ZSWIM2: variants seen among roughly 807,000 people sequenced by gnomAD.
The protein encoded by ZSWIM2 is zinc finger SWIM-type containing 2.
In ZSWIM2, 38 loss-of-function variants were observed where a neutral mutation model predicts 48.4. The ratio of observed to expected loss-of-function variants is 0.79; its 90% CI spans 0.61 to 1.03. The LOEUF (loss-of-function observed/expected upper bound fraction) is 1.03. Among genes scored for constraint, ZSWIM2 ranks in the 50% least tolerant of loss-of-function variants. The pLI is 0.00. For missense variants in ZSWIM2, 776 were observed against 730.2 expected, an observed-to-expected ratio of 1.06 and a Z score of -0.72; for synonymous variants, 240 against 251.3, an observed-to-expected ratio of 0.96 and a Z score of 0.42.
intron 7 of ZSWIM2, among the ~76,000 whole-genome samples, chr2:186,832,569 T>G (rs142870966): frequency 0.016 from 2,490 of 152,128 alleles, 31 homozygotes; most frequent in South Asian, 0.027. Flanking sequence ...AGAGGGGGAA[T>G]GAAGCAAAAA....
At position 186,829,857 on chromosome 2, in the gene ZSWIM2, A is replaced by T. The variant is rs1381392782; in HGVS notation, c.965T>A (p.Ile322Asn). ...KQGQVYTPKH[I>N]VRSLPLQLIT... ...CAGTTGGAGAGGCAGTGATCTTACA[A>T]TGTGTTTTGGTGTGTAAACTTGGCT... is the stretch of plus-strand genomic sequence containing the variant. The change falls in exon 8 of 9, where the codon ATT becomes AAT. Residue 322 changes from isoleucine (I) to asparagine (N), a missense_variant. Physicochemically the swap from Ile to Asn is moderately radical, Grantham distance 149. Transcript: ENST00000295131. 1.2e-6 allele frequency: 2 copies of T among 1,613,544 alleles called. No homozygotes were observed. The highest frequency in any genetic ancestry group is 1.7e-5 in the Admixed American group (1 of 59,950).
At chr2:186,836,336 T>G (rs1691793189) in intron 5 of ZSWIM2, among the ~76,000 whole-genome samples, 2 of 152,114 alleles carry the variant, frequency 1.3e-5, no homozygotes, top group Admixed American at 6.6e-5. Context: ...TATTAAAAAT[T>G]TATAAAAATT....
Position 186,828,688 on chromosome 2 carries a change from C to T in ZSWIM2, c.1198G>A (p.Val400Met), listed in dbSNP as rs1444487962. ...YNPLTWKNSA[V>M]NGQAHQSVSN... ...ACAGACTGATGTGCTTGTCCATTCACTGCTGAATTTTTCCAAGTTAAAGGG... is the reference window on the plus strand; with the variant it reads ...ACAGACTGATGTGCTTGTCCATTCATTGCTGAATTTTTCCAAGTTAAAGGG... The change falls in exon 9 of 9, where the codon GTG becomes ATG. Residue 400 changes from valine (V) to methionine (M), a missense_variant. Physicochemically the swap from Val to Met is conservative, Grantham distance 21 (BLOSUM62 1). Transcript: ENST00000295131. The T allele has an allele frequency of 1.9e-6, 3 of 1,613,126 alleles. No individual in the cohort carries two copies. Among genetic ancestry groups the T allele is most frequent in the African/African-American group, 1.3e-5 (1 of 75,004 alleles).
intron 2 of ZSWIM2, among the ~76,000 whole-genome samples, chr2:186,846,295 T>G (rs3114950): frequency 0.52 from 79,004 of 151,626 alleles, 23,070 homozygotes; most frequent in East Asian, 0.86. Flanking sequence ...GGAAAAAACC[T>G]AATAACCTCA....
intron 3 of ZSWIM2, among the ~76,000 whole-genome samples, chr2:186,840,027 C>T (rs557731745): frequency 2.0e-4 from 12 of 61,300 alleles, no homozygotes; most frequent in African/African-American, 7.6e-4. Flanking sequence ...TAATGAAATG[C>T]TCTGTTTTTC....
intron 1 of ZSWIM2, among the ~76,000 whole-genome samples, chr2:186,848,276 T>TA (rs144319475): frequency 0.022 from 3,309 of 152,186 alleles, 116 homozygotes; most frequent in African/African-American, 0.076. Flanking sequence ...AGCAACAAAG[T>TA]AAAAAAAGAT....
At chr2:186,840,304 A>T (rs1468349254) in intron 3 of ZSWIM2, among the ~76,000 whole-genome samples, 7 of 151,722 alleles carry the variant, frequency 4.6e-5, no homozygotes, top group Admixed American at 4.0e-4. Context: ...AATACTGAAG[A>T]ATAAAATTTC....
chr2:186,848,501 C>G (rs1428511033), intron 1 of ZSWIM2, among the ~76,000 whole-genome samples: 12 of 152,152 alleles, frequency 7.9e-5, no homozygotes, highest in Admixed American at 7.9e-4. Flanking sequence ...TTTAAACCAT[C>G]CTTTAATAGG....
chr2:186,830,280 G>T (rs1055053238), intron 7 of ZSWIM2, among the ~76,000 whole-genome samples: 10 of 152,122 alleles, frequency 6.6e-5, no homozygotes, highest in African/African-American at 2.2e-4. Context: ...TACTCAAGAG[G>T]CTGTGGCAGG....
chr2:186,834,362 A>G (rs1262493306), intron 5 of ZSWIM2, among the ~76,000 whole-genome samples: 1 of 152,084 alleles, frequency 6.6e-6, no homozygotes, highest in Non-Finnish European at 1.5e-5. Context: ...CTTCTAGAGT[A>G]GGGGTCCCCA....
chr2:186,846,526 A>G (rs1330819610), intron 2 of ZSWIM2, among the ~76,000 whole-genome samples: 1 of 151,874 alleles, frequency 6.6e-6, no homozygotes, highest in Non-Finnish European at 1.5e-5. Context: ...CTTATATACT[A>G]TTGCTAGGAA....
chr2:186,828,079 G>C lies in ZSWIM2; in HGVS notation c.1807C>G (p.Arg603Gly), dbSNP rs750650865. The C allele has an allele frequency of 9.9e-6, 16 of 1,613,164 alleles. No homozygotes were observed. Among genetic ancestry groups the C allele is most frequent in the Non-Finnish European group, 1.4e-5 (16 of 1,179,566 alleles). ...TGTCTTGATAGATGACTACATTTTC[G>C]TGTAATTTCCCCCATACAGTTACTA... ...RYSNCMGEIT[R>G]KCSHLSRQPV... Residue 603 changes from arginine to glycine, a missense_variant, in exon 9 of 9, where the codon CGA becomes GGA. By Grantham distance (125) the Arg-to-Gly change is moderately radical (BLOSUM62 -2). Coordinates refer to ENST00000295131, the MANE Select transcript of ZSWIM2 (RefSeq NM_182521.3).
In ZSWIM2 at chr2:186,828,206, GGC is replaced by G. The variant is rs1691631984; in HGVS notation, c.1678_1679del (p.Ala560HisfsTer2). 6.2e-7 allele frequency: 1 copy of G among 1,613,508 alleles called. No individual in the cohort carries two copies. The highest frequency in any genetic ancestry group is 8.5e-7 in the Non-Finnish European group (1 of 1,179,732). ...CNNHNLKKTP[A>X]TKIREDNKRS... ...TCTTGTTGTCCTCTCTTATTTTAGT[GGC>G]AGGAGTCTTCTTTAGGTTGTGGTTA... On this transcript the variant is annotated frameshift_variant, in exon 9 of 9. Transcript: ENST00000295131. LOFTEE classifies it low-confidence loss of function (END_TRUNC).
chr2:186,829,307 T>C (rs968628417), intron 8 of ZSWIM2, among the ~76,000 whole-genome samples: 3 of 152,154 alleles, frequency 2.0e-5, no homozygotes, highest in East Asian at 1.9e-4. Flanking sequence ...ATCAATTATA[T>C]AGTGATCAAG....
intron 2 of ZSWIM2, among the ~76,000 whole-genome samples, chr2:186,847,479 G>C (rs1271659412): frequency 6.6e-6 from 1 of 151,972 alleles, no homozygotes; most frequent in Non-Finnish European, 1.5e-5. Flanking sequence ...ATCTAAAATT[G>C]ATTTTTTCTA....
chr2:186,829,975 G>T, intron 7 of ZSWIM2, 95 bp from the exon 8 acceptor site: 3 of 1,255,796 alleles, frequency 2.4e-6, no homozygotes, highest in Non-Finnish European at 3.3e-6. Flanking sequence ...TATAAATAAT[G>T]CAATCGAACC....
chr2:186,829,796 G>A lies in ZSWIM2; in HGVS notation c.1026C>T (p.Tyr342=). Residue 342 remains tyrosine (Y), a synonymous_variant, in exon 8 of 9, where the codon TAC becomes TAT. Coordinates refer to ENST00000295131, the MANE Select transcript of ZSWIM2 (RefSeq NM_182521.3). ...ATGCCTTCAAACAAAGTAGACACTG[G>A]TAGCCTGGAGCAAGCAGCTTACTAT... ...TKNSKLLAPG[Y]QCLLCLKAFH... is the part of the protein sequence containing the mutation. 1 of 1,613,616 alleles carries A rather than the reference G, an allele frequency of 6.2e-7. No individual in the cohort carries two copies. Among genetic ancestry groups the A allele is most frequent in the Non-Finnish European group, 8.5e-7 (1 of 1,179,734 alleles).
chr2:186,842,077 CTCA>C (rs1189774481), intron 3 of ZSWIM2, among the ~76,000 whole-genome samples: 1 of 151,030 alleles, frequency 6.6e-6, no homozygotes, highest in Non-Finnish European at 1.5e-5. Context: ...AAAAGAGAGT[CTCA>C]GGTTTCTTAT....
chr2:186,829,905 G>T (rs1318453354), intron 7 of ZSWIM2, 25 bp from the exon 8 acceptor site: 1 of 1,612,032 alleles, frequency 6.2e-7, no homozygotes, highest in Non-Finnish European at 8.5e-7. Context: ...GCAGAGACAT[G>T]AGTGTTTACA....
Sources: allele counts gnomAD v4.1 joint callset (sites outside exome capture counted in the v4.1 genomes callset), GRCh38; gene constraint gnomAD v4.1.1; transcripts MANE v1.5; gene names NCBI Gene and HGNC (gene_info 2026-07-23, HGNC 2026-07-21).